Variants in PHKB observed in about 807,000 individuals in gnomAD.
PHKB encodes phosphorylase kinase regulatory subunit beta.
Under a neutral mutation model 152.1 loss-of-function variants are expected in PHKB, and 122 were observed. The ratio of observed to expected loss-of-function variants is 0.80; its 90% CI spans 0.69 to 0.93. The LOEUF is 0.93. PHKB is among the 40% of genes least tolerant of loss of function. PHKB has a pLI of 0.00. For missense variants in PHKB, 1,304 were observed against 1,328.4 expected (o/e 0.98, Z 0.29); for synonymous variants, 436 against 464.9 (o/e 0.94, Z 0.80).
At chr16:47,582,763 A>G (rs1971869311) in intron 8 of PHKB, among the ~76,000 whole-genome samples, 1 of 152,206 alleles carries the variant, frequency 6.6e-6, no homozygotes, top group African/African-American at 2.4e-5. Context: ...TGATTGTTTC[A>G]GATAGAAATA....
chr16:47,499,932 G>A, intron 3 of PHKB, 38 bp downstream of exon 3: 2 of 1,612,516 alleles, frequency 1.2e-6, no homozygotes, highest in Non-Finnish European at 1.7e-6. Flanking sequence ...CTTTGAGAGT[G>A]GATAATAGGG....
intron 5 of PHKB, among the ~76,000 whole-genome samples, chr16:47,513,672 A>G (rs1384679534): frequency 6.6e-6 from 1 of 152,184 alleles, no homozygotes; most frequent in African/African-American, 2.4e-5. Context: ...GCTGGAGGAG[A>G]GTCATGGGAG....
chr16:47,517,255 ATTT>A (rs1214324029), intron 6 of PHKB, among the ~76,000 whole-genome samples: 4 of 140,406 alleles, frequency 2.8e-5, no homozygotes, highest in African/African-American at 5.2e-5. Flanking sequence ...TTGTTCAGTA[ATTT>A]TTTTTTTTTT....
At chr16:47,648,236 C>T (rs1324669284) in intron 16 of PHKB, among the ~76,000 whole-genome samples, 1 of 151,882 alleles carries the variant, frequency 6.6e-6, no homozygotes. Flanking sequence ...AAGCATTAGC[C>T]TCTGTGTTCT....
intron 27 of PHKB, among the ~76,000 whole-genome samples, chr16:47,692,104 T>G (rs1300409560): frequency 6.6e-6 from 1 of 152,188 alleles, no homozygotes; most frequent in African/African-American, 2.4e-5. Flanking sequence ...CCGTGCCTAT[T>G]AAAAGAAATT....
At chr16:47,541,390 C>G (rs1053811968) in intron 6 of PHKB, among the ~76,000 whole-genome samples, 12 of 152,174 alleles carry the variant, frequency 7.9e-5, no homozygotes, top group Admixed American at 2.0e-4. Flanking sequence ...TTAATCCAGT[C>G]TATCATTGAT....
intron 20 of PHKB, among the ~76,000 whole-genome samples, chr16:47,653,337 A>G (rs1017248082): frequency 2.0e-5 from 3 of 152,104 alleles, no homozygotes; most frequent in Admixed American, 6.5e-5. Flanking sequence ...CTTTAACCAG[A>G]GAAAAAGCCT....
rs1334211773 is a variant in PHKB, at chr16:47,629,269, A to C, written c.1459-11766A>C. On this transcript the variant is annotated intron_variant, in intron 14 of 30. Transcript: ENST00000323584. ...AAATGGGAGAAAATTTTCACAACCT[A>C]CTCATCTGACAAAGGGCTAATATCC... Among the ~76,000 whole-genome samples the C allele has an allele frequency of 7.2e-5, 11 of 152,238 alleles. No homozygotes were observed. In the East Asian group the frequency reaches 2.1e-3, roughly 29 times the overall value.
intron 26 of PHKB, among the ~76,000 whole-genome samples, chr16:47,685,445 C>T (rs1348841284): frequency 6.6e-6 from 1 of 152,014 alleles, no homozygotes; most frequent in Non-Finnish European, 1.5e-5. Flanking sequence ...AAAAAGAAAG[C>T]TTTTGTGCTA....
chr16:47,557,078 G>A lies in PHKB; in HGVS notation c.710+9530G>A, dbSNP rs141218271. On this transcript the variant is annotated intron_variant, in intron 7 of 30. Transcript: ENST00000323584. ...GAACAGAGCCCTCAGAAATAATGCC[G>A]CGTATCTACAACTACTTGATCTTTG... Among the ~76,000 whole-genome samples the A allele has an allele frequency of 3.2e-3, 493 of 152,214 alleles. 3 individuals are homozygous for A. The highest frequency in any genetic ancestry group is 0.011 in the African/African-American group (464 of 41,538).
chr16:47,488,656 T>G (rs1036475430), intron 1 of PHKB, among the ~76,000 whole-genome samples: 1 of 152,238 alleles, frequency 6.6e-6, no homozygotes, highest in Non-Finnish European at 1.5e-5. Context: ...TTCAATCTTC[T>G]GCATATGACT....
intron 16 of PHKB, among the ~76,000 whole-genome samples, chr16:47,647,946 T>C (rs1181955305): frequency 6.6e-6 from 1 of 152,218 alleles, no homozygotes; most frequent in African/African-American, 2.4e-5. Flanking sequence ...TAAGAGTCTT[T>C]AACCCTATCT....
intron 20 of PHKB, among the ~76,000 whole-genome samples, chr16:47,653,282 G>A (rs951938084): frequency 6.6e-6 from 1 of 152,120 alleles, no homozygotes; most frequent in East Asian, 1.9e-4. Flanking sequence ...TTTAATCCTT[G>A]TATCTCCTGC....
At chr16:47,647,291 T>G (rs970159239) in intron 16 of PHKB, among the ~76,000 whole-genome samples, 4 of 152,012 alleles carry the variant, frequency 2.6e-5, no homozygotes, top group Non-Finnish European at 5.9e-5. Flanking sequence ...GCCCGGCTAA[T>G]TTTTGTATTA....
Position 47,461,440 on chromosome 16 carries a change from G to A in PHKB, c.76+14G>A. On this transcript the variant is annotated intron_variant, in intron 1 of 30. Transcript: ENST00000323584. ...CCAAGCGCTCAGGTTTGGCTGGCTG[G>A]GGCGCCGCCCCCCACCCGAGTACCT... 1 of 1,612,622 alleles carries A rather than the reference G, an allele frequency of 6.2e-7. No homozygotes were observed. Among genetic ancestry groups the A allele is most frequent in the African/African-American group, 1.3e-5 (1 of 75,044 alleles).
At chr16:47,657,809 C>T (rs1597156176) in intron 20 of PHKB, among the ~76,000 whole-genome samples, 2 of 151,866 alleles carry the variant, frequency 1.3e-5, no homozygotes, top group South Asian at 4.2e-4. Context: ...TAATTCTTGA[C>T]TCTCTCTTTC....
chr16:47,618,669 G>C (rs12445738), intron 14 of PHKB, among the ~76,000 whole-genome samples: 151,150 of 152,396 alleles, frequency 0.99, 74,964 homozygotes, highest in East Asian at 1. Flanking sequence ...ATAAACAGGT[G>C]TTTATTCTTA....
intron 26 of PHKB, among the ~76,000 whole-genome samples, chr16:47,680,352 T>G (rs1325254027): frequency 6.6e-6 from 1 of 152,216 alleles, no homozygotes; most frequent in Non-Finnish European, 1.5e-5. Context: ...TGGTACCAGC[T>G]CCTCCTTGTA....
chr16:47,648,649 T>TGA, intron 17 of PHKB, 33 bp downstream of exon 17: 2 of 1,375,074 alleles, frequency 1.5e-6, no homozygotes, highest in Non-Finnish European at 2.1e-6. Flanking sequence ...AAGTAGTTTT[T>TGA]GGATTCTAAT....
Sources: allele counts gnomAD v4.1 joint callset (sites outside exome capture counted in the v4.1 genomes callset), GRCh38; gene constraint gnomAD v4.1.1; transcripts MANE v1.5; gene names NCBI Gene and HGNC (gene_info 2026-07-23, HGNC 2026-07-21).